The following MCF2 variants were observed in gnomAD, a reference collection of about 807,000 sequenced individuals.
MCF2 encodes the protein proto-oncogene DBL.
MCF2 carries 44 observed loss-of-function variants against 82.5 expected under a neutral mutation model. The observed-to-expected ratio is 0.53, with a 90% CI of 0.42 to 0.69. MCF2 has a LOEUF of 0.69. Among genes scored for constraint, MCF2 ranks in the 30% least tolerant of loss-of-function variants. The pLI is 0.00. For synonymous variants in MCF2, 217 were observed against 224.9 expected (o/e 0.96, Z 0.32); for missense variants, 623 against 663.1 (o/e 0.94, Z 0.66).
intron 14 of MCF2, 23 bp from the exon 19 acceptor site, chrX:139,604,773 A>G: frequency 8.7e-7 from 1 of 1,148,900 alleles, no homozygotes; most frequent in Non-Finnish European, 1.2e-6. Context: ...CAGAGAAAAA[A>G]AATTGCATGA....
chrX:139,705,925 G>A (rs770427908), intron 1 of MCF2, among the ~76,000 whole-genome samples: 9 of 112,070 alleles, frequency 8.0e-5, no homozygotes, highest in East Asian at 2.8e-4. Flanking sequence ...GGCACTTTTC[G>A]AAAGAAGACA....
At chrX:139,618,602 C>A (rs1020169365) in intron 7 of MCF2, among the ~76,000 whole-genome samples, 7 of 111,100 alleles carry the variant, frequency 6.3e-5, no homozygotes, top group African/African-American at 2.3e-4. Flanking sequence ...GTAAAGTGTC[C>A]CATGATCACA....
intron 1 of MCF2, among the ~76,000 whole-genome samples, chrX:139,632,893 T>G (rs1211033350): frequency 8.9e-6 from 1 of 112,004 alleles, no homozygotes; most frequent in African/African-American, 3.2e-5. Flanking sequence ...TATATTTTTA[T>G]TTTAATCCAA....
At chrX:139,603,696 G>A (rs982568481) in intron 15 of MCF2, among the ~76,000 whole-genome samples, 9 of 110,717 alleles carry the variant, frequency 8.1e-5, no homozygotes, top group Admixed American at 4.8e-4. Flanking sequence ...TTAGCTGGGC[G>A]TGGTGGTGGG....
chrX:139,616,236 T>C, intron 9 of MCF2, 46 bp downstream of exon 12: 1 of 831,828 alleles, frequency 1.2e-6, no homozygotes, highest in Non-Finnish European at 1.6e-6. Flanking sequence ...AGTACTGCAA[T>C]TATAATTTTC....
chrX:139,602,551 G>T, intron 15 of MCF2, 53 bp from the exon 20 acceptor site: 1 of 877,486 alleles, frequency 1.1e-6, no homozygotes, highest in Non-Finnish European at 1.7e-6. Context: ...TATGACTTTT[G>T]CCATCAAGAA....
intron 1 of MCF2, among the ~76,000 whole-genome samples, chrX:139,700,663 T>A (rs752320066): frequency 1.8e-5 from 2 of 112,037 alleles, no homozygotes; most frequent in African/African-American, 3.2e-5. Context: ...CAGGCCACTG[T>A]GGTTCTTCAG....
At chrX:139,642,860 A>T in exon 1 of MCF2, 3 of 893,461 alleles carry the variant, frequency 3.4e-6, no homozygotes, top group Non-Finnish European at 4.1e-6. Flanking sequence ...AAGGAGGAGG[A>T]AAAAAAAACC....
At chrX:139,627,242 A>G (rs1331919133) in intron 4 of MCF2, among the ~76,000 whole-genome samples, 2 of 112,128 alleles carry the variant, frequency 1.8e-5, no homozygotes, top group South Asian at 3.7e-4. Flanking sequence ...CTGTTCTGCT[A>G]ACACTTTTAA....
chrX:139,583,004 G>A (rs1928609597), intron 24 of MCF2, among the ~76,000 whole-genome samples: 2 of 111,671 alleles, frequency 1.8e-5, no homozygotes, highest in Admixed American at 9.5e-5. Context: ...GTGGGTTCCT[G>A]AGACCCTTTC....
At chrX:139,682,203 C>A (rs1222725153) in intron 1 of MCF2, among the ~76,000 whole-genome samples, 3 of 111,485 alleles carry the variant, frequency 2.7e-5, no homozygotes, top group Non-Finnish European at 3.8e-5. Context: ...GACCTCCCCC[C>A]ACAGGCTTAG....
intron 24 of MCF2, among the ~76,000 whole-genome samples, chrX:139,582,940 C>T (rs1333392315): frequency 1.8e-5 from 2 of 111,919 alleles, no homozygotes; most frequent in Non-Finnish European, 3.8e-5. Context: ...AATTAAACTT[C>T]TTTTTATTAT....
chrX:139,693,415 G>T (rs1935317133), intron 1 of MCF2, among the ~76,000 whole-genome samples: 1 of 109,378 alleles, frequency 9.1e-6, no homozygotes, highest in African/African-American at 3.3e-5. Context: ...CTCTTATGAG[G>T]AATCGCCAAT....
chrX:139,670,689 A>C (rs937352772), intron 1 of MCF2, among the ~76,000 whole-genome samples: 7 of 111,787 alleles, frequency 6.3e-5, no homozygotes, highest in Non-Finnish European at 1.3e-4. Flanking sequence ...ACATGTGCCA[A>C]ATTTTCTTAA....
rs549960792 is a variant in MCF2, at chrX:139,619,933, C to T, written c.688-227G>A. 5.0e-4 allele frequency among the ~76,000 whole-genome samples: 53 copies of T among 106,846 alleles called. 1 individual carries two copies. In the South Asian group the frequency reaches 0.02, roughly 40 times the overall value. The allele number at this position is 106,846 out of a possible 115,157, so 92.8% of individuals were successfully genotyped here. On this transcript the variant is annotated intron_variant, in intron 6 of 24. Transcript: ENST00000370576. ...AGATCACCATGTACATGTGTAGGTT[C>T]GTATATGAGGACATGTATTTGCATA...
intron 24 of MCF2, among the ~76,000 whole-genome samples, chrX:139,582,817 T>C (rs2148376429): frequency 8.9e-6 from 1 of 112,261 alleles, no homozygotes; most frequent in African/African-American, 3.2e-5. Flanking sequence ...TTACAATGCC[T>C]TCATAGATCA....
chrX:139,674,230 G>T (rs979063309), intron 1 of MCF2, among the ~76,000 whole-genome samples: 1 of 111,193 alleles, frequency 9.0e-6, no homozygotes, highest in African/African-American at 3.3e-5. Flanking sequence ...CACATGAGAT[G>T]GGTCTCCTGA....
Position 139,604,869 on chromosome X carries a change from T to G in MCF2, c.1673A>C (p.Asp558Ala), listed in dbSNP as rs751831561. Residue 558 changes from aspartate (D) to alanine (A), a missense_variant and splice_region_variant, in exon 14 of 25, where the codon GAC becomes GCC. Physicochemically the swap from Asp to Ala is moderately radical, Grantham distance 126. Coordinates refer to ENST00000370576, the Ensembl canonical transcript of MCF2. The stretch of plus-strand genomic sequence containing the variant: ...AATATTCAATTCAGCAATTACATAC[T>G]CGTTATGGAATTCATATATTTCTGC... The G allele has an allele frequency of 8.8e-6, 10 of 1,130,312 alleles. No homozygotes were observed. In the South Asian group the frequency reaches 1.9e-4, roughly 22 times the overall value. The allele number at this position is 1,130,312 out of a possible 1,213,427, so 93.2% of individuals were successfully genotyped here.
intron 2 of MCF2, among the ~76,000 whole-genome samples, chrX:139,648,009 T>C (rs923104324): frequency 6.2e-5 from 7 of 112,340 alleles, no homozygotes; most frequent in South Asian, 3.7e-4. Flanking sequence ...AATTTTTATT[T>C]GGCTGAATTT....
Sources: allele counts gnomAD v4.1 joint callset (sites outside exome capture counted in the v4.1 genomes callset), GRCh38; gene constraint gnomAD v4.1.1; transcripts MANE v1.5; gene names NCBI Gene and HGNC (gene_info 2026-07-23, HGNC 2026-07-21).